Variants in ANK2 observed in about 807,000 individuals in gnomAD.
ANK2 encodes the protein ankyrin-2.
Under a neutral mutation model 360.5 loss-of-function variants are expected in ANK2, and 83 were observed. The observed-to-expected ratio is 0.23, with a 90% CI of 0.19 to 0.28. ANK2 has a LOEUF of 0.28. Ranked by LOEUF, ANK2 falls within the 10% of genes least tolerant of loss-of-function variation. The probability of loss-of-function intolerance (pLI) is 1.00; values close to 1 mark genes in which losing one functional copy is unlikely to be tolerated. For missense variants in ANK2, 4,201 were observed against 4,795.7 expected, an observed-to-expected ratio of 0.88 and a Z score of 3.66; for synonymous variants, 1,740 against 1,759.5, an observed-to-expected ratio of 0.99 and a Z score of 0.28.
Position 112,961,569 on chromosome 4 carries a change from C to T in ANK2, c.21+57055C>T, listed in dbSNP as rs118185685. Among the ~76,000 whole-genome samples, 236 of 152,168 alleles carry T rather than the reference C, an allele frequency of 1.6e-3. 5 individuals are homozygous for T. The East Asian group carries it at 0.038, about 25-fold the overall frequency. ...ACTACAGACCAGGACTTGACTTTAACGTGCATACCATGGGTGGAGAATACC... is the reference window on the plus strand; with the variant it reads ...ACTACAGACCAGGACTTGACTTTAATGTGCATACCATGGGTGGAGAATACC... On this transcript the variant is annotated intron_variant, in intron 2 of 30. Transcript: ENST00000503271.
At chr4:112,968,311 C>T (rs2038127117) in intron 2 of ANK2, among the ~76,000 whole-genome samples, 1 of 152,194 alleles carries the variant, frequency 6.6e-6, no homozygotes, top group Non-Finnish European at 1.5e-5. Flanking sequence ...GCTCGGACAT[C>T]TGTCACTCCC....
intron 2 of ANK2, among the ~76,000 whole-genome samples, chr4:113,019,348 A>T (rs1293810788): frequency 6.6e-6 from 1 of 152,220 alleles, no homozygotes; most frequent in African/African-American, 2.4e-5. Flanking sequence ...TGCCCTAGGC[A>T]TATACAAGTC....
intron 2 of ANK2, among the ~76,000 whole-genome samples, chr4:113,037,359 G>A (rs2061833792): frequency 6.6e-6 from 1 of 151,942 alleles, no homozygotes; most frequent in Non-Finnish European, 1.5e-5. Context: ...AGTCTCAACT[G>A]ATTAGATTTG....
At chr4:113,176,698 C>T (rs6848043) in intron 2 of ANK2, among the ~76,000 whole-genome samples, 70,524 of 151,718 alleles carry the variant, frequency 0.46, 16,762 homozygotes, top group African/African-American at 0.57. Context: ...GTTACATATG[C>T]ATACATGCGC....
At chr4:112,741,819 AAAC>A in the ANK2 span, among the ~76,000 whole-genome samples, 1 of 150,266 alleles carries the variant, frequency 6.7e-6, no homozygotes, top group African/African-American at 2.4e-5. Context: ...CGTTTCTTAA[AAAC>A]AAACAAACAA....
At chr4:113,194,970 CT>C (rs1170628727) in intron 2 of ANK2, among the ~76,000 whole-genome samples, 1 of 152,040 alleles carries the variant, frequency 6.6e-6, no homozygotes, top group Admixed American at 6.6e-5. Context: ...CACAGTGAAA[CT>C]GATAGATATG....
intron 1 of ANK2, among the ~76,000 whole-genome samples, chr4:112,848,750 G>A (rs749307900): frequency 1.3e-5 from 2 of 152,064 alleles, no homozygotes; most frequent in Non-Finnish European, 2.9e-5. Context: ...GATCCTTAGT[G>A]CCTAGCAAAA....
rs78913471 is a variant in ANK2, at chr4:113,020,764, T to A, written c.21+116250T>A. Among the ~76,000 whole-genome samples the A allele has an allele frequency of 7.1e-3, 1,018 of 144,004 alleles. 12 individuals carry two copies. Among genetic ancestry groups the A allele is most frequent in the African/African-American group, 0.024 (953 of 39,544 alleles). 94.5% of individuals were successfully genotyped at this position (144,004 alleles called of 152,430 possible). A position where few individuals can be genotyped will look rare whatever the true frequency, so the allele number is the denominator to read the frequency against. Reference sequence around the variant, plus strand: ...TTACTTGAACCCAGGAGGTGGAGGTTGTAGCAAGCCAAGATCACGCCACTG... The same window carrying A: ...TTACTTGAACCCAGGAGGTGGAGGTAGTAGCAAGCCAAGATCACGCCACTG... On this transcript the variant is annotated intron_variant, in intron 2 of 30. Transcript: ENST00000503271.
chr4:112,829,954 G>A (rs13129574), intron 1 of ANK2, among the ~76,000 whole-genome samples: 148,167 of 151,598 alleles, frequency 0.98, 72,421 homozygotes, highest in East Asian at 1. Flanking sequence ...GTAAGACTCC[G>A]TCTCAAAAAA....
chr4:113,353,596 G>C lies in ANK2; in HGVS notation c.4978G>C (p.Asp1660His). ...CAAAGAGCAGCTGCAGACAGTTCAAGATAAGGCAGGGAAGAAATGTGAGGC... is the reference window on the plus strand; with the variant it reads ...CAAAGAGCAGCTGCAGACAGTTCAACATAAGGCAGGGAAGAAATGTGAGGC... ...LPKEQLQTVQ[D>H]KAGKKCEALA... The change falls in exon 38 of 46, where the codon GAT (aspartate) becomes CAT (histidine). Residue 1660 changes from aspartate (D) to histidine (H), a missense_variant. Physicochemically the swap from Asp to His is moderately conservative, Grantham distance 81. This residue lies in a region of ANK2 where 1,268 missense variants were observed against 1,650.8 expected (regional missense o/e 0.77). Transcript: ENST00000357077. 1.2e-6 allele frequency: 2 copies of C among 1,614,058 alleles called. No homozygotes were observed. Among genetic ancestry groups the C allele is most frequent in the Non-Finnish European group, 1.7e-6 (2 of 1,179,970 alleles).
chr4:112,775,546 A>ACACAC, the ANK2 span, among the ~76,000 whole-genome samples: 3 of 8,752 alleles, frequency 3.4e-4, no homozygotes, highest in Admixed American at 3.0e-3. Flanking sequence ...CACACACACA[A>ACACAC]GAAAAAAAAT....
rs768219534 is a variant in ANK2 at position 113,174,533 on chromosome 4, C to G, written c.186+16C>G. 110 of 1,553,396 alleles carry G rather than the reference C, an allele frequency of 7.1e-5. No homozygotes were observed. The highest frequency in any genetic ancestry group is 9.5e-5 in the Non-Finnish European group (107 of 1,127,310). On this transcript the variant is annotated intron_variant, in intron 2 of 45. Coordinates refer to ENST00000357077, the MANE Select transcript of ANK2 (RefSeq NM_001148.6). The stretch of plus-strand genomic sequence containing the variant: ...CTGCAATCAGGTAAGAACATGGCAG[C>G]TAGCTCTGTGTTGTGCAACGAAGGA...
At chr4:112,719,525 G>A in the ANK2 span, among the ~76,000 whole-genome samples, 5 of 151,906 alleles carry the variant, frequency 3.3e-5, no homozygotes, top group Non-Finnish European at 5.9e-5. Flanking sequence ...TCAGGAGATC[G>A]AGACCATCCT....
intron 1 of ANK2, chr4:113,069,911 C>T (rs2076951550): frequency 6.6e-6 from 1 of 152,196 alleles, no homozygotes; most frequent in South Asian, 2.1e-4. Flanking sequence ...GTTTTCTAGG[C>T]ATAGGGATTT....
intron 45 of ANK2, among the ~76,000 whole-genome samples, chr4:113,380,182 A>G (rs1027183468): frequency 3.9e-5 from 6 of 152,174 alleles, no homozygotes; most frequent in African/African-American, 1.4e-4. Flanking sequence ...ATAGTGAAAA[A>G]GGCTGCTCTG....
chr4:112,899,037 C>T (rs1465906383), intron 1 of ANK2, among the ~76,000 whole-genome samples: 3 of 152,110 alleles, frequency 2.0e-5, no homozygotes, highest in Non-Finnish European at 2.9e-5. Flanking sequence ...AAAGGCATTA[C>T]CTAAGCCTTG....
intron 1 of ANK2, among the ~76,000 whole-genome samples, chr4:113,124,901 G>A (rs185236802): frequency 3.3e-5 from 5 of 152,186 alleles, no homozygotes; most frequent in African/African-American, 7.2e-5. Flanking sequence ...AGGCTGAGAC[G>A]TGAGGAGAGC....
At chr4:112,870,414 T>G (rs1478265289) in intron 1 of ANK2, among the ~76,000 whole-genome samples, 1 of 152,248 alleles carries the variant, frequency 6.6e-6, no homozygotes, top group East Asian at 1.9e-4. Flanking sequence ...CGTTTTTGTT[T>G]AAGAGTTTTA....
chr4:113,064,045 T>C (rs894867618), intron 1 of ANK2, among the ~76,000 whole-genome samples: 1 of 152,164 alleles, frequency 6.6e-6, no homozygotes, highest in African/African-American at 2.4e-5. Flanking sequence ...GTTGTTGTGT[T>C]TGCTTTTTAA....
Sources: allele counts gnomAD v4.1 joint callset (sites outside exome capture counted in the v4.1 genomes callset), GRCh38; gene constraint gnomAD v4.1.1; regional missense constraint gnomAD v4.1.1; transcripts MANE v1.5; gene names NCBI Gene and HGNC (gene_info 2026-07-23, HGNC 2026-07-21).